Variants in SPMIP3 observed in about 807,000 individuals in gnomAD.
The protein encoded by SPMIP3 is protein SPMIP3.
At chr1:244,378,720 T>TAC in the SPMIP3 span, 1 of 1,434,272 alleles carries the variant, frequency 7.0e-7, no homozygotes, top group South Asian at 1.3e-5. Flanking sequence ...AGGCTTGCTG[T>TAC]CTCAGGGAGC....
the SPMIP3 span, among the ~76,000 whole-genome samples, chr1:244,353,178 G>A: frequency 6.6e-6 from 1 of 152,066 alleles, no homozygotes; most frequent in Admixed American, 6.6e-5. Context: ...AGTGAAGATC[G>A]TGGCCACCAA....
At chr1:244,376,377 A>G in the SPMIP3 span, 7 of 152,268 alleles carry the variant, frequency 4.6e-5, no homozygotes, top group Non-Finnish European at 7.3e-5. Context: ...ATATACTCAC[A>G]GAAGGCTACT....
At chr1:244,368,993 A>T in the SPMIP3 span, among the ~76,000 whole-genome samples, 1 of 152,172 alleles carries the variant, frequency 6.6e-6, no homozygotes, top group Non-Finnish European at 1.5e-5. Flanking sequence ...CCCCGTCTCT[A>T]CTAAAAATAC....
the SPMIP3 span, among the ~76,000 whole-genome samples, chr1:244,367,591 C>T: frequency 1.3e-5 from 2 of 152,112 alleles, no homozygotes; most frequent in South Asian, 4.1e-4. Flanking sequence ...CGTCAGTGTG[C>T]CCCCCAACCC....
chr1:244,361,570 G>A, the SPMIP3 span, among the ~76,000 whole-genome samples: 1 of 151,880 alleles, frequency 6.6e-6, no homozygotes, highest in African/African-American at 2.4e-5. Context: ...GAATTAGAAT[G>A]TTCCTAACAC....
At chr1:244,378,816 C>T in the SPMIP3 span, among the ~76,000 whole-genome samples, 99 of 151,274 alleles carry the variant, frequency 6.5e-4, no homozygotes, top group Non-Finnish European at 4.4e-4. Flanking sequence ...CTTCCCAAGG[C>T]TCCCCGCTAC....
chr1:244,355,306 C>T, the SPMIP3 span, among the ~76,000 whole-genome samples: 1 of 152,144 alleles, frequency 6.6e-6, no homozygotes, highest in Non-Finnish European at 1.5e-5. Flanking sequence ...CCCTTTCTAC[C>T]AGAGGGTAGT....
At chr1:244,356,282 T>C in the SPMIP3 span, among the ~76,000 whole-genome samples, 2 of 152,236 alleles carry the variant, frequency 1.3e-5, no homozygotes, top group Non-Finnish European at 2.9e-5. Flanking sequence ...ATGTTCGCTA[T>C]CAGATTGAGA....
the SPMIP3 span, chr1:244,364,651 T>C: frequency 1.8e-5 from 28 of 1,533,766 alleles, no homozygotes; most frequent in African/African-American, 3.4e-4. Flanking sequence ...ATGTATAAAC[T>C]GGCAATATAA....
chr1:244,360,883 C>CAAAA, the SPMIP3 span, among the ~76,000 whole-genome samples: 94 of 138,042 alleles, frequency 6.8e-4, no homozygotes, highest in African/African-American at 2.3e-3. Flanking sequence ...GACTCCGTCT[C>CAAAA]AAAAAAAAAA....
the SPMIP3 span, among the ~76,000 whole-genome samples, chr1:244,367,924 C>G: frequency 1.3e-5 from 2 of 152,130 alleles, no homozygotes; most frequent in Admixed American, 6.5e-5. Context: ...ATCCGGGTTT[C>G]AGGAAGGAAA....
the SPMIP3 span, among the ~76,000 whole-genome samples, chr1:244,384,331 G>A: frequency 6.6e-6 from 1 of 152,122 alleles, no homozygotes; most frequent in Non-Finnish European, 1.5e-5. Context: ...AGCCCCCTGA[G>A]TAGCTGGGAC....
the SPMIP3 span, among the ~76,000 whole-genome samples, chr1:244,376,010 T>C: frequency 1.6e-4 from 25 of 152,250 alleles, no homozygotes; most frequent in Admixed American, 1.6e-3. Context: ...AGACATTCTT[T>C]TGTAGGAAAA....
chr1:244,388,694 T>C, the SPMIP3 span, among the ~76,000 whole-genome samples: 4 of 152,362 alleles, frequency 2.6e-5, no homozygotes, highest in South Asian at 6.2e-4. Flanking sequence ...CAGAATGAGA[T>C]GTCGACATGC....
the SPMIP3 span, among the ~76,000 whole-genome samples, chr1:244,380,186 T>G: frequency 6.8e-6 from 1 of 146,836 alleles, no homozygotes; most frequent in Non-Finnish European, 1.5e-5. Flanking sequence ...TGGAGTGCAG[T>G]GGCACCATCT....
At chr1:244,378,200 G>A in the SPMIP3 span, among the ~76,000 whole-genome samples, 2 of 152,130 alleles carry the variant, frequency 1.3e-5, no homozygotes, top group Non-Finnish European at 2.9e-5. Flanking sequence ...GGCTGTGCAC[G>A]GGTGGATCTA....
At chr1:244,375,316 G>A in the SPMIP3 span, 1 of 1,398,142 alleles carries the variant, frequency 7.2e-7, no homozygotes, top group Admixed American at 1.7e-5. Flanking sequence ...GCATTCTTCT[G>A]GAATGAACTA....
At chr1:244,388,180 C>T in the SPMIP3 span, among the ~76,000 whole-genome samples, 2 of 152,044 alleles carry the variant, frequency 1.3e-5, no homozygotes, top group African/African-American at 4.8e-5. Context: ...CCACCCGCCT[C>T]GGCCTCCCAA....
At chr1:244,374,108 G>A in the SPMIP3 span, among the ~76,000 whole-genome samples, 112 of 152,174 alleles carry the variant, frequency 7.4e-4, no homozygotes, top group African/African-American at 2.1e-3. Flanking sequence ...GTGAGACTCC[G>A]TCTCAAAATA....
Sources: gnomAD v4.1 joint callset for allele counts (sites outside exome capture counted in the v4.1 genomes callset) on GRCh38, gnomAD v4.1.1 for gene constraint, MANE v1.5 for transcripts, NCBI Gene and HGNC (gene_info 2026-07-23, HGNC 2026-07-21) for gene names.